Variants in AFG1L observed in about 807,000 individuals in gnomAD.
AFG1L encodes the protein AFG1-like ATPase.
In AFG1L, 53 loss-of-function variants were observed where a neutral mutation model predicts 62.2. The observed-to-expected ratio is 0.85, with a 90% CI of 0.68 to 1.07. The LOEUF (loss-of-function observed/expected upper bound fraction) is 1.07. AFG1L is among the 50% of genes least tolerant of loss of function. The probability of loss-of-function intolerance (pLI) is 0.00; values close to 1 mark genes in which losing one functional copy is unlikely to be tolerated. For synonymous variants in AFG1L, 228 were observed against 210.3 expected, an observed-to-expected ratio of 1.08 and a Z score of -0.73; for missense variants, 555 against 590.5, an observed-to-expected ratio of 0.94 and a Z score of 0.62.
At chr6:108,430,243 T>C (rs1771011560) in intron 7 of AFG1L, among the ~76,000 whole-genome samples, 1 of 152,254 alleles carries the variant, frequency 6.6e-6, no homozygotes, top group African/African-American at 2.4e-5. Flanking sequence ...CTGTGCCCAG[T>C]CATAAGATGG....
intron 8 of AFG1L, among the ~76,000 whole-genome samples, chr6:108,459,353 G>A (rs1772368948): frequency 6.6e-6 from 1 of 152,132 alleles, no homozygotes; most frequent in Non-Finnish European, 1.5e-5. Flanking sequence ...CTGAAGTCTG[G>A]AAACTCACTA....
intron 6 of AFG1L, among the ~76,000 whole-genome samples, chr6:108,369,889 C>A (rs1206625625): frequency 6.6e-6 from 1 of 152,120 alleles, no homozygotes; most frequent in Admixed American, 6.6e-5. Context: ...GGATTACAGG[C>A]GTGAGCTACT....
chr6:108,478,196 G>T (rs2114818445), intron 10 of AFG1L, among the ~76,000 whole-genome samples: 1 of 152,334 alleles, frequency 6.6e-6, no homozygotes, highest in East Asian at 1.9e-4. Flanking sequence ...CCAGCACTTT[G>T]GGAGGCCGAG....
intron 1 of AFG1L, among the ~76,000 whole-genome samples, chr6:108,305,435 G>A (rs1458571851): frequency 6.6e-6 from 1 of 152,070 alleles, no homozygotes; most frequent in Non-Finnish European, 1.5e-5. Context: ...ACTCAGGCTG[G>A]AGTGCAGTGG....
intron 10 of AFG1L, among the ~76,000 whole-genome samples, chr6:108,479,772 A>G (rs1284861414): frequency 6.6e-6 from 1 of 152,202 alleles, no homozygotes; most frequent in East Asian, 1.9e-4. Flanking sequence ...CCTAAGGTAA[A>G]GAAGCAGGCA....
At chr6:108,361,141 A>G (rs1382698157) in intron 5 of AFG1L, among the ~76,000 whole-genome samples, 1 of 152,204 alleles carries the variant, frequency 6.6e-6, no homozygotes, top group African/African-American at 2.4e-5. Flanking sequence ...GGTCCCTCAC[A>G]CAGGAAACTT....
intron 7 of AFG1L, among the ~76,000 whole-genome samples, chr6:108,423,771 C>T (rs1031837273): frequency 6.6e-6 from 1 of 151,954 alleles, no homozygotes; most frequent in Non-Finnish European, 1.5e-5. Flanking sequence ...AGAATATACT[C>T]ATCAGAATAT....
At chr6:108,469,032 T>G (rs577563903) in intron 8 of AFG1L, among the ~76,000 whole-genome samples, 1 of 152,316 alleles carries the variant, frequency 6.6e-6, no homozygotes, top group East Asian at 1.9e-4. Flanking sequence ...TTTTGGGTCT[T>G]TGTCTTTTAC....
At position 108,389,707 on chromosome 6, in the gene AFG1L, C is replaced by T. The variant is rs1157793523; in HGVS notation, c.749-12289C>T. Among the ~76,000 whole-genome samples the T allele has an allele frequency of 2.6e-5, 4 of 152,262 alleles. No individual in the cohort carries two copies. The East Asian group carries it at 7.7e-4, about 29-fold the overall frequency. ...CTTTAAGAATGTTGAATATTGGCCC[C>T]CACTCTCCTCTGGCTTGTAGAATTT... On this transcript the variant is annotated intron_variant, in intron 6 of 12. Transcript: ENST00000368977.
chr6:108,400,918 A>G (rs1244670318), intron 6 of AFG1L, among the ~76,000 whole-genome samples: 1 of 143,672 alleles, frequency 7.0e-6, no homozygotes, highest in African/African-American at 2.6e-5. Context: ...TACATGAGCA[A>G]TTCTGTTGAT....
rs139980321 is a variant in AFG1L, at chr6:108,342,802, G to T, written c.364-4186G>T. Among the ~76,000 whole-genome samples, 1,392 of 152,116 alleles carry T rather than the reference G, an allele frequency of 9.2e-3. 23 individuals are homozygous for T. The highest frequency in any genetic ancestry group is 0.032 in the African/African-American group (1,339 of 41,512). Reference sequence around the variant, plus strand: ...TTCTCGTTAGGAGGGTATTCATTTTGTTGATCAATTTACTTATATTAAAAT... The same window carrying T: ...TTCTCGTTAGGAGGGTATTCATTTTTTTGATCAATTTACTTATATTAAAAT... On this transcript the variant is annotated intron_variant, in intron 2 of 12. Transcript: ENST00000368977.
intron 6 of AFG1L, among the ~76,000 whole-genome samples, chr6:108,368,188 AT>A (rs1001777947): frequency 1.9e-4 from 28 of 151,094 alleles, no homozygotes; most frequent in African/African-American, 6.8e-4. Context: ...TTATTTATTT[AT>A]TTTTGTTTTG....
chr6:108,479,192 A>G (rs1348203011), intron 10 of AFG1L, among the ~76,000 whole-genome samples: 2 of 152,116 alleles, frequency 1.3e-5, no homozygotes, highest in Non-Finnish European at 2.9e-5. Context: ...GGGTCTTACC[A>G]TGTTGTCCAG....
rs1439198138 is a variant in AFG1L, at chr6:108,418,008, A to AT, written c.807+15959dup. Among the ~76,000 whole-genome samples, 5 of 151,980 alleles carry AT rather than the reference A, an allele frequency of 3.3e-5. 1 individual carries two copies. The East Asian group carries it at 9.7e-4, about 29-fold the overall frequency. On this transcript the variant is annotated intron_variant, in intron 7 of 12. Transcript: ENST00000368977. Reference sequence around the variant, plus strand: ...GCCACCACGCCAGCTAATTTTTTGTATTTTTAGTAGAGACGGGGGTTCATC... The same window carrying AT: ...GCCACCACGCCAGCTAATTTTTTGTATTTTTTAGTAGAGACGGGGGTTCATC...
chr6:108,405,728 C>T (rs1781822623), intron 7 of AFG1L, among the ~76,000 whole-genome samples: 1 of 152,168 alleles, frequency 6.6e-6, no homozygotes, highest in Non-Finnish European at 1.5e-5. Flanking sequence ...TGATTCATCT[C>T]CAGCATTTTT....
intron 2 of AFG1L, among the ~76,000 whole-genome samples, chr6:108,344,402 C>G (rs749587584): frequency 6.6e-6 from 1 of 152,056 alleles, no homozygotes; most frequent in African/African-American, 2.4e-5. Flanking sequence ...CATGAGCCAT[C>G]GCGCCCAGCC....
At chr6:108,343,878 T>C (rs1286071880) in intron 2 of AFG1L, among the ~76,000 whole-genome samples, 1 of 152,118 alleles carries the variant, frequency 6.6e-6, no homozygotes, top group Non-Finnish European at 1.5e-5. Context: ...GCCTAGACCA[T>C]GAGTGAGGTC....
chr6:108,405,604 C>T (rs1045289702), intron 7 of AFG1L, among the ~76,000 whole-genome samples: 15 of 152,218 alleles, frequency 9.9e-5, no homozygotes, highest in African/African-American at 2.9e-4. Context: ...GCCTCCACCT[C>T]CCAAAGTGTT....
chr6:108,381,182 A>C (rs1257717163), intron 6 of AFG1L, among the ~76,000 whole-genome samples: 3 of 152,252 alleles, frequency 2.0e-5, no homozygotes, highest in African/African-American at 4.8e-5. Context: ...CTTGGATCAG[A>C]TCCATAGGAA....
Sources: allele counts gnomAD v4.1 joint callset (sites outside exome capture counted in the v4.1 genomes callset), GRCh38; gene constraint gnomAD v4.1.1; transcripts MANE v1.5; gene names NCBI Gene and HGNC (gene_info 2026-07-23, HGNC 2026-07-21).